NXPE1: variants seen among roughly 807,000 people sequenced by gnomAD.
NXPE1 encodes the protein NXPE family member 1.
NXPE1 carries 31 observed loss-of-function variants against 33.3 expected under a neutral mutation model. The observed-to-expected ratio is 0.93, with a 90% confidence interval of 0.70 to 1.26. The LOEUF (loss-of-function observed/expected upper bound fraction) is 1.26, where lower values mean the gene tolerates loss of function less well. NXPE1 is among the 50% of genes most tolerant of loss of function. The probability of loss-of-function intolerance (pLI) is 0.00; values close to 1 mark genes in which losing one functional copy is unlikely to be tolerated. For synonymous variants in NXPE1, 229 were observed against 231.4 expected (o/e 0.99, Z 0.09); for missense variants, 661 against 655.6 (o/e 1.01, Z -0.09).
exon 6 of NXPE1, chr11:114,530,368 A>T (rs767711774): frequency 1.9e-6 from 3 of 1,614,220 alleles, no homozygotes; most frequent in Non-Finnish European, 2.5e-6. Context: ...AAGACATGAG[A>T]GGTGCCATTA....
intron 1 of NXPE1, among the ~76,000 whole-genome samples, chr11:114,556,528 C>T (rs1222837824): frequency 1.3e-5 from 2 of 151,810 alleles, no homozygotes; most frequent in Non-Finnish European, 2.9e-5. Context: ...CAGTTTTCTG[C>T]TTGAATTCAA....
At chr11:114,523,019 C>T (rs267602704) in exon 8 of NXPE1, 2 of 1,613,518 alleles carry the variant, frequency 1.2e-6, no homozygotes, top group Admixed American at 3.3e-5. Context: ...TATCCATTTT[C>T]CTTGTAAAGT....
At chr11:114,554,141 G>A (rs6589441) in intron 1 of NXPE1, 153,370 of 984,930 alleles carry the variant, frequency 0.16, 15,269 homozygotes, top group African/African-American at 0.45. Context: ...CCTCAGACAG[G>A]ATTGAATCAA....
chr11:114,535,141 A>G (rs1432763309), intron 5 of NXPE1, among the ~76,000 whole-genome samples: 1 of 152,228 alleles, frequency 6.6e-6, no homozygotes, highest in African/African-American at 2.4e-5. Context: ...ATTCTTAAAG[A>G]AAAGAACTTT....
intron 5 of NXPE1, among the ~76,000 whole-genome samples, chr11:114,544,987 A>G (rs967949384): frequency 6.6e-6 from 1 of 152,160 alleles, no homozygotes; most frequent in African/African-American, 2.4e-5. Context: ...TTCGTCAGGG[A>G]GACAAATTAG....
intron 6 of NXPE1, 103 bp downstream of exon 6, chr11:114,530,072 C>T: frequency 8.2e-7 from 1 of 1,216,964 alleles, no homozygotes; most frequent in Non-Finnish European, 1.1e-6. Context: ...ACCTTGAGTA[C>T]AGGAGGCCTC....
At chr11:114,553,749 G>A in intron 1 of NXPE1, 1 of 985,234 alleles carries the variant, frequency 1.0e-6, no homozygotes, top group Admixed American at 6.1e-5. Flanking sequence ...GCCTCCATTT[G>A]GAAATCCTCA....
rs1358018540 is a variant in NXPE1, at chr11:114,521,964, T to A, written c.*4A>T. On this transcript the variant is annotated 3_prime_UTR_variant, in exon 9 of 9. Transcript: ENST00000534921. Reference sequence around the variant, plus strand: ...TCCTAGTGATTTTGTATAGTATTTATCCCTTAGCAAATGTAGTTTAAGAAC... The same window carrying A: ...TCCTAGTGATTTTGTATAGTATTTAACCCTTAGCAAATGTAGTTTAAGAAC... 3.1e-6 allele frequency: 5 copies of A among 1,599,684 alleles called. No homozygotes were observed. The Admixed American group carries it at 6.7e-5, about 21-fold the overall frequency.
chr11:114,525,504 G>GTCTC (rs1380586734), intron 7 of NXPE1, among the ~76,000 whole-genome samples: 1 of 152,060 alleles, frequency 6.6e-6, no homozygotes, highest in Non-Finnish European at 1.5e-5. Context: ...GGGCTTCAGA[G>GTCTC]TCTCTCCCTC....
chr11:114,552,464 C>A (rs540187162), intron 2 of NXPE1, among the ~76,000 whole-genome samples: 8 of 152,170 alleles, frequency 5.3e-5, no homozygotes, highest in African/African-American at 1.9e-4. Context: ...CTGACAAGCA[C>A]AATATTTGTT....
chr11:114,537,230 A>G (rs987090052), intron 5 of NXPE1, among the ~76,000 whole-genome samples: 1 of 152,160 alleles, frequency 6.6e-6, no homozygotes, highest in Non-Finnish European at 1.5e-5. Flanking sequence ...AAATTCAACA[A>G]CCCTTCATGC....
At chr11:114,532,768 A>C (rs1947632306) in intron 5 of NXPE1, among the ~76,000 whole-genome samples, 1 of 152,158 alleles carries the variant, frequency 6.6e-6, no homozygotes, top group African/African-American at 2.4e-5. Flanking sequence ...GATTAGATAA[A>C]TATATACAGG....
At chr11:114,527,476 A>G (rs1947405310) in intron 7 of NXPE1, among the ~76,000 whole-genome samples, 1 of 152,180 alleles carries the variant, frequency 6.6e-6, no homozygotes, top group Non-Finnish European at 1.5e-5. Context: ...CATCAACTAA[A>G]TGTTAGGGGG....
At chr11:114,551,140 G>T in exon 5 of NXPE1, 1 of 1,533,300 alleles carries the variant, frequency 6.5e-7, no homozygotes, top group Non-Finnish European at 8.7e-7. Context: ...AATCATCCAG[G>T]TTACTACTGA....
chr11:114,544,012 T>A (rs1279959537), intron 5 of NXPE1, among the ~76,000 whole-genome samples: 1 of 152,156 alleles, frequency 6.6e-6, no homozygotes, highest in African/African-American at 2.4e-5. Context: ...AGCACTTAAG[T>A]ATAAATCTAA....
chr11:114,537,568 G>A (rs1346270498), intron 5 of NXPE1, among the ~76,000 whole-genome samples: 13 of 152,302 alleles, frequency 8.5e-5, no homozygotes, highest in Admixed American at 5.2e-4. Context: ...AAGCTGATAA[G>A]CAACTTCAGC....
At chr11:114,528,437 C>T (rs1288838606) in intron 6 of NXPE1, among the ~76,000 whole-genome samples, 1 of 152,088 alleles carries the variant, frequency 6.6e-6, no homozygotes, top group Non-Finnish European at 1.5e-5. Context: ...TATCAGAGGG[C>T]CTCTGCTTCA....
intron 5 of NXPE1, 134 bp downstream of exon 5, chr11:114,550,969 T>C (rs1377924630): frequency 1.2e-5 from 7 of 593,640 alleles, no homozygotes; most frequent in Admixed American, 2.9e-5. Context: ...AGGAGTTAGG[T>C]AGAGAGAGAG....
chr11:114,536,476 A>C (rs1362146442), intron 5 of NXPE1, among the ~76,000 whole-genome samples: 2 of 152,210 alleles, frequency 1.3e-5, no homozygotes, highest in Non-Finnish European at 2.9e-5. Flanking sequence ...CCTTCAAAAA[A>C]ATCAATGAAT....
Sources: allele counts gnomAD v4.1 joint callset (sites outside exome capture counted in the v4.1 genomes callset), GRCh38; gene constraint gnomAD v4.1.1; transcripts MANE v1.5; gene names NCBI Gene and HGNC (gene_info 2026-07-23, HGNC 2026-07-21).